Variants in RSAD2 observed in about 807,000 individuals in gnomAD.
RSAD2 encodes radical S-adenosyl methionine domain containing 2, also known as S-adenosylmethionine-dependent nucleotide dehydratase RSAD2.
In RSAD2, 38 loss-of-function variants were observed where a neutral mutation model predicts 37.7. That is an observed-to-expected ratio of 1.01 (90% CI 0.78 to 1.32). RSAD2 has a LOEUF of 1.32. Among genes scored for constraint, RSAD2 ranks in the 40% most tolerant of loss-of-function variants. The probability of loss-of-function intolerance (pLI) is 0.00; values close to 1 mark genes in which losing one functional copy is unlikely to be tolerated. For synonymous variants in RSAD2, 163 were observed against 157.4 expected (o/e 1.04, Z -0.27); for missense variants, 428 against 437.5 (o/e 0.98, Z 0.19).
At chr2:6,882,387 A>G (rs1663422656) in intron 1 of RSAD2, among the ~76,000 whole-genome samples, 1 of 152,202 alleles carries the variant, frequency 6.6e-6, no homozygotes, top group Non-Finnish European at 1.5e-5. Context: ...CATCTGGGGA[A>G]TGAAAAATGG....
chr2:6,883,655 A>G (rs1177924443), intron 2 of RSAD2, 123 bp downstream of exon 2: 2 of 1,080,218 alleles, frequency 1.9e-6, no homozygotes, highest in South Asian at 1.6e-5. Context: ...AGGAAAAACT[A>G]ATCTTGCTTA....
intron 2 of RSAD2, among the ~76,000 whole-genome samples, chr2:6,886,552 G>A (rs1332550584): frequency 6.6e-6 from 1 of 152,144 alleles, no homozygotes; most frequent in African/African-American, 2.4e-5. Flanking sequence ...GTGATGGAAA[G>A]AAAAAGAAGT....
intron 1 of RSAD2, 28 bp downstream of exon 1, chr2:6,878,174 A>G (rs773660012): frequency 5.1e-6 from 8 of 1,583,730 alleles, no homozygotes; most frequent in Non-Finnish European, 5.2e-6. Flanking sequence ...GACAGAAATC[A>G]GGATTCTCAA....
At chr2:6,893,982 G>A (rs761131611) in intron 5 of RSAD2, among the ~76,000 whole-genome samples, 8 of 152,186 alleles carry the variant, frequency 5.3e-5, no homozygotes, top group African/African-American at 1.7e-4. Flanking sequence ...CTATGCATCC[G>A]TGGATGTCAC....
intron 4 of RSAD2, among the ~76,000 whole-genome samples, chr2:6,893,427 A>T (rs1246182919): frequency 6.6e-6 from 1 of 152,206 alleles, no homozygotes; most frequent in African/African-American, 2.4e-5. Flanking sequence ...AGCCTTCAGG[A>T]TGAAGGTTCT....
At chr2:6,872,877 T>A (rs1333323959), upstream of RSAD2, among the ~76,000 whole-genome samples, 1 of 152,214 alleles carries the variant, frequency 6.6e-6, no homozygotes, top group East Asian at 1.9e-4. Context: ...TGATTTGCTC[T>A]TAGTAAAATT....
At chr2:6,878,881 T>G in intron 1 of RSAD2, 1 of 1,214,326 alleles carries the variant, frequency 8.2e-7, no homozygotes, top group Non-Finnish European at 1.1e-6. Context: ...TGTTTAACTT[T>G]TTAACAAAAG....
intron 1 of RSAD2, among the ~76,000 whole-genome samples, chr2:6,870,183 A>G (rs1243631757): frequency 6.6e-6 from 1 of 152,210 alleles, no homozygotes; most frequent in African/African-American, 2.4e-5. Flanking sequence ...CTGGAATAAA[A>G]TCTCTTTCTT....
rs1367026803 is a variant in RSAD2 at position 6,883,599 on chromosome 2, C to T, written c.508+67C>T. On this transcript the variant is annotated intron_variant, in intron 2 of 5. Coordinates refer to ENST00000382040, the MANE Select transcript of RSAD2 (RefSeq NM_080657.5). Reference sequence around the variant, plus strand: ...TTTTTATTGTTGGTTCTTATATTTCCTTCCCTCCTGGGCCTTCAGCCAGGC... The same window carrying T: ...TTTTTATTGTTGGTTCTTATATTTCTTTCCCTCCTGGGCCTTCAGCCAGGC... 1.2e-5 allele frequency: 19 copies of T among 1,576,546 alleles called. No homozygotes were observed. The Admixed American group carries it at 2.4e-4, about 20-fold the overall frequency.
At position 6,878,013 on chromosome 2, in the gene RSAD2, C is replaced by T; in HGVS notation, c.213C>T (p.Thr71=). 4 of 1,614,170 alleles carry T rather than the reference C, an allele frequency of 2.5e-6. No homozygotes were observed. Among genetic ancestry groups the T allele is most frequent in the Non-Finnish European group, 3.4e-6 (4 of 1,180,026 alleles). The change falls in exon 1 of 6, where the codon ACC becomes ACT. Residue 71 remains threonine (T), a synonymous_variant. Transcript: ENST00000382040. ...AAGAGGACCCTCCTCTGCCCACCAC[C>T]CCAACCAGCGTCAACTATCACTTCA... is the stretch of plus-strand genomic sequence containing the variant. ...EEEEDPPLPT[T]PTSVNYHFTR... is the part of the protein sequence containing the mutation.
chr2:6,885,552 T>A, intron 2 of RSAD2, among the ~76,000 whole-genome samples: 1 of 152,210 alleles, frequency 6.6e-6, no homozygotes, highest in East Asian at 1.9e-4. Flanking sequence ...GTTCCAGGTT[T>A]TCCTGGAAAG....
At chr2:6,885,908 G>A (rs958192456) in intron 2 of RSAD2, among the ~76,000 whole-genome samples, 10 of 152,172 alleles carry the variant, frequency 6.6e-5, no homozygotes, top group African/African-American at 2.4e-4. Context: ...ATTATGGACA[G>A]TTGCCTTATT....
intron 1 of RSAD2, among the ~76,000 whole-genome samples, chr2:6,870,266 T>G (rs534579659): frequency 2.0e-5 from 3 of 152,324 alleles, no homozygotes; most frequent in African/African-American, 7.2e-5. Flanking sequence ...AATCCTGATT[T>G]TTCTCCCAGC....
At chr2:6,873,206 T>G (rs549093158), upstream of RSAD2, among the ~76,000 whole-genome samples, 25 of 152,348 alleles carry the variant, frequency 1.6e-4, no homozygotes, top group African/African-American at 6.0e-4. Flanking sequence ...CATTGTAACT[T>G]GATTTTACAC....
At position 6,883,468 on chromosome 2, in the gene RSAD2, G is replaced by T. The variant is rs752502007; in HGVS notation, c.444G>T (p.Arg148=). 1.9e-6 allele frequency: 3 copies of T among 1,614,072 alleles called. No individual in the cohort carries two copies. The highest frequency in any genetic ancestry group is 2.7e-5 in the African/African-American group (2 of 74,910). Reference sequence around the variant, plus strand: ...TGAGGTTCTGCAAAGTAGAGTTGCGGCTGCCCAGCGTGAGCATCGTGAGCA... The same window carrying T: ...TGAGGTTCTGCAAAGTAGAGTTGCGTCTGCCCAGCGTGAGCATCGTGAGCA... ...KLVRFCKVEL[R]LPSVSIVSNG... The change falls in exon 2 of 6, where the codon CGG becomes CGT. Residue 148 remains arginine, a synonymous_variant. Coordinates refer to ENST00000382040, the MANE Select transcript of RSAD2 (RefSeq NM_080657.5).
At chr2:6,888,088 G>T (rs1477990344) in intron 3 of RSAD2, among the ~76,000 whole-genome samples, 1 of 152,206 alleles carries the variant, frequency 6.6e-6, no homozygotes, top group Non-Finnish European at 1.5e-5. Context: ...AAGACCTGAA[G>T]AAGAAAGGCA....
At chr2:6,885,229 T>C (rs1663494793) in intron 2 of RSAD2, among the ~76,000 whole-genome samples, 1 of 152,200 alleles carries the variant, frequency 6.6e-6, no homozygotes, top group African/African-American at 2.4e-5. Context: ...GGTTGTACTT[T>C]CTCTCTAGCA....
chr2:6,879,931 G>A (rs544136350), intron 1 of RSAD2, among the ~76,000 whole-genome samples: 74 of 152,154 alleles, frequency 4.9e-4, no homozygotes, highest in African/African-American at 1.7e-3. Flanking sequence ...GCTTTTCTGA[G>A]TATCAGTTCC....
intron 4 of RSAD2, among the ~76,000 whole-genome samples, chr2:6,893,405 C>T (rs1663669657): frequency 6.6e-6 from 1 of 152,136 alleles, no homozygotes; most frequent in Non-Finnish European, 1.5e-5. Flanking sequence ...CCTTGGGGTT[C>T]AATGTCAGGG....
Sources: allele counts gnomAD v4.1 joint callset (sites outside exome capture counted in the v4.1 genomes callset), GRCh38; gene constraint gnomAD v4.1.1; transcripts MANE v1.5; gene names NCBI Gene and HGNC (gene_info 2026-07-23, HGNC 2026-07-21).